Variants in CHSY3 observed in about 807,000 individuals in gnomAD.
CHSY3 encodes the protein N-acetylgalactosaminyl-proteoglycan 3-beta-glucuronosyltransferase 3.
In CHSY3, 35 loss-of-function variants were observed where a neutral mutation model predicts 67.2. That is an observed-to-expected ratio of 0.52 (90% confidence interval 0.40 to 0.69). The LOEUF (loss-of-function observed/expected upper bound fraction) is 0.69, where lower values mean the gene tolerates loss of function less well. CHSY3 is among the 30% of genes least tolerant of loss of function. CHSY3 has a pLI of 0.00. For synonymous variants in CHSY3, 474 were observed against 434.7 expected (o/e 1.09, Z -1.12); for missense variants, 1,069 against 1,138.5 (o/e 0.94, Z 0.88).
intron 2 of CHSY3, among the ~76,000 whole-genome samples, chr5:130,085,684 G>T (rs10042683): frequency 0.12 from 17,794 of 151,662 alleles, 1,435 homozygotes; most frequent in African/African-American, 0.22. Flanking sequence ...CTTTTCTAGT[G>T]CTTTTAATTG....
chr5:129,994,508 T>C (rs1470320275), intron 2 of CHSY3, among the ~76,000 whole-genome samples: 3 of 152,146 alleles, frequency 2.0e-5, no homozygotes, highest in Non-Finnish European at 4.4e-5. Context: ...TCGCATCAGC[T>C]ACTGAGGCTT....
At chr5:130,114,368 T>G (rs1767707664) in intron 2 of CHSY3, 1 of 152,108 alleles carries the variant, frequency 6.6e-6, no homozygotes, top group African/African-American at 2.4e-5. Context: ...CTGAAAACTC[T>G]AAAGCCCCTA....
intron 2 of CHSY3, among the ~76,000 whole-genome samples, chr5:129,976,025 T>C (rs1561481119): frequency 6.6e-6 from 1 of 152,058 alleles, no homozygotes; most frequent in Non-Finnish European, 1.5e-5. Flanking sequence ...TTCTTCTGTG[T>C]GAAAAATAAA....
At chr5:129,987,040 T>C (rs938882816) in intron 2 of CHSY3, among the ~76,000 whole-genome samples, 15 of 152,338 alleles carry the variant, frequency 9.8e-5, no homozygotes, top group Admixed American at 6.5e-4. Context: ...TTTGTTAATT[T>C]TATAATTTTT....
At chr5:129,973,267 A>T (rs189963486) in intron 2 of CHSY3, among the ~76,000 whole-genome samples, 244 of 152,176 alleles carry the variant, frequency 1.6e-3, no homozygotes, top group African/African-American at 5.4e-3. Flanking sequence ...TTATCCTTGT[A>T]TTTCTTCTAA....
At chr5:130,181,696 C>T (rs1770249092) in intron 2 of CHSY3, among the ~76,000 whole-genome samples, 1 of 152,166 alleles carries the variant, frequency 6.6e-6, no homozygotes, top group African/African-American at 2.4e-5. Flanking sequence ...ACTCCAGAAG[C>T]TTCCCTCTTC....
chr5:129,997,601 GC>G (rs1297335695), intron 2 of CHSY3, among the ~76,000 whole-genome samples: 1 of 151,980 alleles, frequency 6.6e-6, no homozygotes, highest in Non-Finnish European at 1.5e-5. Flanking sequence ...TTGGTTTGCT[GC>G]ACCCATCAAC....
chr5:130,137,893 C>G (rs995336172), intron 2 of CHSY3, among the ~76,000 whole-genome samples: 8 of 152,098 alleles, frequency 5.3e-5, no homozygotes, highest in Non-Finnish European at 7.4e-5. Context: ...GTGGACCCAA[C>G]ATTGTTACAA....
intron 2 of CHSY3, among the ~76,000 whole-genome samples, chr5:129,921,255 TGCACAAGCACTATGATACCTTG>T (rs1281344734): frequency 6.6e-6 from 1 of 152,204 alleles, no homozygotes; most frequent in Non-Finnish European, 1.5e-5. Context: ...ACATGTACTA[TGCACAAGCACTATGATACCTTG>T]ACACAAGCAT....
intron 2 of CHSY3, among the ~76,000 whole-genome samples, chr5:130,096,232 G>A (rs758061474): frequency 6.6e-6 from 1 of 152,142 alleles, no homozygotes; most frequent in East Asian, 1.9e-4. Flanking sequence ...GAGTGCAATG[G>A]CGCAGCCTCA....
At chr5:129,957,678 A>G (rs758021199) in intron 2 of CHSY3, among the ~76,000 whole-genome samples, 1 of 152,158 alleles carries the variant, frequency 6.6e-6, no homozygotes, top group African/African-American at 2.4e-5. Context: ...GAAATATTTG[A>G]TGACAATCTC....
At chr5:130,032,666 A>T (rs1393028088) in intron 2 of CHSY3, among the ~76,000 whole-genome samples, 2 of 152,152 alleles carry the variant, frequency 1.3e-5, no homozygotes, top group Non-Finnish European at 2.9e-5. Flanking sequence ...CTCTGAGGGC[A>T]TAAAATGAGT....
chr5:129,941,449 C>G (rs374461289), intron 2 of CHSY3, among the ~76,000 whole-genome samples: 26 of 152,064 alleles, frequency 1.7e-4, no homozygotes, highest in African/African-American at 5.8e-4. Flanking sequence ...TAATGGTAGA[C>G]AGATTTATGC....
intron 2 of CHSY3, among the ~76,000 whole-genome samples, chr5:130,004,388 T>G (rs905650773): frequency 4.6e-5 from 7 of 152,216 alleles, no homozygotes; most frequent in Non-Finnish European, 1.0e-4. Context: ...AGTGATATAT[T>G]TCTGTTACTT....
chr5:130,112,236 C>A (rs1466352721), intron 2 of CHSY3, among the ~76,000 whole-genome samples: 2 of 152,064 alleles, frequency 1.3e-5, no homozygotes, highest in Admixed American at 1.3e-4. Flanking sequence ...ATATCAATAG[C>A]ACACCTTGCT....
chr5:130,129,065 A>G (rs1768395179), intron 2 of CHSY3, among the ~76,000 whole-genome samples: 1 of 152,126 alleles, frequency 6.6e-6, no homozygotes, highest in Admixed American at 6.6e-5. Context: ...TGCACATAGA[A>G]ACTAGGGTGG....
At chr5:129,929,177 A>C (rs966886577) in intron 2 of CHSY3, among the ~76,000 whole-genome samples, 2 of 152,342 alleles carry the variant, frequency 1.3e-5, no homozygotes, top group African/African-American at 4.8e-5. Context: ...AGAATGAACT[A>C]CTGTCATCCA....
chr5:130,129,115 C>G (rs1768397236), intron 2 of CHSY3, among the ~76,000 whole-genome samples: 1 of 152,098 alleles, frequency 6.6e-6, no homozygotes, highest in Non-Finnish European at 1.5e-5. Flanking sequence ...TCAAGATAAT[C>G]AGCACCAATT....
At chr5:130,049,907 C>T (rs1765280833) in intron 2 of CHSY3, among the ~76,000 whole-genome samples, 1 of 151,882 alleles carries the variant, frequency 6.6e-6, no homozygotes, top group Non-Finnish European at 1.5e-5. Flanking sequence ...TTGCTCTTTT[C>T]ATGAGACAGC....
Sources: allele counts gnomAD v4.1 joint callset (sites outside exome capture counted in the v4.1 genomes callset), GRCh38; gene constraint gnomAD v4.1.1; transcripts MANE v1.5; gene names NCBI Gene and HGNC (gene_info 2026-07-23, HGNC 2026-07-21).